USP28: variants seen among roughly 807,000 people sequenced by gnomAD.
The protein encoded by USP28 is ubiquitin carboxyl-terminal hydrolase 28.
Under a neutral mutation model 145.0 loss-of-function variants are expected in USP28, and 113 were observed. The ratio of observed to expected loss-of-function variants is 0.78; its 90% CI spans 0.67 to 0.91. USP28 has a LOEUF of 0.91. Among genes scored for constraint, USP28 ranks in the 40% least tolerant of loss-of-function variants. USP28 has a pLI of 0.00. For synonymous variants in USP28, 447 were observed against 450.9 expected (o/e 0.99, Z 0.11); for missense variants, 1,201 against 1,289.6 (o/e 0.93, Z 1.05).
chr11:113,859,095 C>A (rs1035616617), intron 1 of USP28, among the ~76,000 whole-genome samples: 1 of 151,970 alleles, frequency 6.6e-6, no homozygotes, highest in Admixed American at 6.6e-5. Flanking sequence ...ACCAGGCTGG[C>A]CTAACTGCTG....
At chr11:113,857,678 A>C (rs759605865) in intron 1 of USP28, among the ~76,000 whole-genome samples, 5 of 152,222 alleles carry the variant, frequency 3.3e-5, no homozygotes, top group African/African-American at 4.8e-5. Flanking sequence ...TCAGAATGCC[A>C]AATAAATGTG....
chr11:113,831,873 GC>G (rs1257327772), intron 8 of USP28, 46 bp downstream of exon 8: 1 of 1,558,114 alleles, frequency 6.4e-7, no homozygotes, highest in Non-Finnish European at 8.8e-7. Context: ...ATTCTCACTG[GC>G]CCACTGTGAG....
chr11:113,854,311 G>A (rs1946802092), exon 2 of USP28: 3 of 1,614,080 alleles, frequency 1.9e-6, no homozygotes, highest in Non-Finnish European at 1.7e-6. Context: ...ATTTCTCTCA[G>A]TTGATTTAAC....
At chr11:113,859,625 A>T (rs1947430225) in intron 1 of USP28, among the ~76,000 whole-genome samples, 1 of 151,770 alleles carries the variant, frequency 6.6e-6, no homozygotes, top group South Asian at 2.1e-4. Context: ...ATAAATATTA[A>T]TTTTACAGTA....
At chr11:113,859,499 T>A (rs1396703121) in intron 1 of USP28, 4 of 152,096 alleles carry the variant, frequency 2.6e-5, no homozygotes, top group Non-Finnish European at 5.9e-5. Context: ...AAATTTCACA[T>A]GCATTATTTA....
chr11:113,810,381 A>G (rs1344995326), intron 16 of USP28, among the ~76,000 whole-genome samples: 1 of 152,230 alleles, frequency 6.6e-6, no homozygotes, highest in Non-Finnish European at 1.5e-5. Flanking sequence ...AAACAAAAAA[A>G]GTCTATAGCA....
chr11:113,870,666 C>G (rs780556474), intron 1 of USP28, among the ~76,000 whole-genome samples: 1 of 152,248 alleles, frequency 6.6e-6, no homozygotes, highest in South Asian at 2.1e-4. Context: ...CTGGTCCACA[C>G]GGCCATCTCA....
chr11:113,855,159 A>C (rs1946912020), intron 1 of USP28, among the ~76,000 whole-genome samples: 1 of 152,240 alleles, frequency 6.6e-6, no homozygotes, highest in South Asian at 2.1e-4. Flanking sequence ...TAAATACATA[A>C]TTTCAAAGGG....
Position 113,835,742 on chromosome 11 carries a change from C to T in USP28, c.535-1407G>A, listed in dbSNP as rs191244045. On this transcript the variant is annotated intron_variant, in intron 5 of 24. Coordinates refer to ENST00000003302, the Ensembl canonical transcript of USP28. ...GCTTTACATTCTCAGCCATTTAACT[C>T]CACCTCTTCACCATCAGGAAAATCG... 3.5e-3 allele frequency among the ~76,000 whole-genome samples: 537 copies of T among 152,320 alleles called. 2 individuals are homozygous for T. The highest frequency in any genetic ancestry group is 0.013 in the African/African-American group (524 of 41,574).
At position 113,840,381 on chromosome 11, in the gene USP28, A is replaced by T. The variant is rs148909119; in HGVS notation, c.534+217T>A. Among the ~76,000 whole-genome samples the T allele has an allele frequency of 4.7e-3, 718 of 152,310 alleles. 10 individuals carry two copies. The highest frequency in any genetic ancestry group is 0.015 in the African/African-American group (632 of 41,568). On this transcript the variant is annotated intron_variant, in intron 5 of 24. Transcript: ENST00000003302. ...AGTATCCACTAAATGCTTATCCAAA[A>T]CACCTATTCAATATATTTACAACCA...
chr11:113,842,981 A>G (rs1167965641), intron 3 of USP28, among the ~76,000 whole-genome samples: 1 of 152,240 alleles, frequency 6.6e-6, no homozygotes, highest in Non-Finnish European at 1.5e-5. Flanking sequence ...CTTTAATCCC[A>G]GCACTTTGGG....
At chr11:113,805,868 G>A (rs1344938488) in intron 19 of USP28, among the ~76,000 whole-genome samples, 2 of 152,154 alleles carry the variant, frequency 1.3e-5, no homozygotes, top group African/African-American at 4.8e-5. Context: ...GAGAAGAGAA[G>A]TGAACAGCTT....
At chr11:113,834,271 A>G in exon 6 of USP28, 3 of 1,612,368 alleles carry the variant, frequency 1.9e-6, no homozygotes, top group Non-Finnish European at 2.5e-6. Context: ...ACAATTTTCA[A>G]GTACATTTTG....
rs557861475 is a variant in USP28 at position 113,821,189 on chromosome 11, C to G, written c.1283+2416G>C. 1.9e-4 allele frequency: 43 copies of G among 222,500 alleles called. No individual in the cohort carries two copies. The South Asian group carries it at 3.4e-3, about 18-fold the overall frequency. The allele number at this position is 222,500 out of a possible 1,614,324, so 13.8% of individuals were successfully genotyped here. A position where few individuals can be genotyped will look rare whatever the true frequency, so the allele number is the denominator to read the frequency against. On this transcript the variant is annotated intron_variant, in intron 12 of 24. Transcript: ENST00000003302. ...ATATGCCATGAGCAATCTTGAAGAGCATGGCATTCACCATGTGCTGCTTCT... is the reference window on the plus strand; with the variant it reads ...ATATGCCATGAGCAATCTTGAAGAGGATGGCATTCACCATGTGCTGCTTCT...
chr11:113,810,687 T>G (rs1000313414), intron 16 of USP28, among the ~76,000 whole-genome samples: 45 of 152,324 alleles, frequency 3.0e-4, no homozygotes, highest in Admixed American at 7.8e-4. Flanking sequence ...ACATGTTTGT[T>G]TTTTTTGAGA....
At chr11:113,802,894 CTATAATGCAGGCATACATG>C (rs1939293604) in intron 23 of USP28, among the ~76,000 whole-genome samples, 1 of 152,098 alleles carries the variant, frequency 6.6e-6, no homozygotes, top group Non-Finnish European at 1.5e-5. Context: ...GTGATAAAAT[CTATAATGCAGGCATACATG>C]AAGGGCACAC....
At chr11:113,854,183 T>C (rs538878865) in intron 2 of USP28, 75 bp downstream of exon 2, 1 of 1,352,578 alleles carries the variant, frequency 7.4e-7, no homozygotes, top group African/African-American at 1.5e-5. Flanking sequence ...GGAATAGAAA[T>C]AGCTTGAACT....
chr11:113,824,148 A>T (rs1368881690), intron 11 of USP28, among the ~76,000 whole-genome samples: 1 of 152,236 alleles, frequency 6.6e-6, no homozygotes, highest in South Asian at 2.1e-4. Flanking sequence ...TGTAAAGAAC[A>T]AATGAAAAAT....
Position 113,841,661 on chromosome 11 carries a change from A to T in USP28, c.374+2T>A, listed in dbSNP as rs866067435. The T allele has an allele frequency of 1.9e-6, 3 of 1,598,296 alleles. No homozygotes were observed. In the African/African-American group the frequency reaches 4.1e-5, roughly 22 times the overall value. On this transcript the variant is annotated splice_donor_variant, in intron 4 of 24. Coordinates refer to ENST00000003302, the Ensembl canonical transcript of USP28. LOFTEE classifies it high-confidence loss of function. Reference sequence around the variant, plus strand: ...GCAAGAATTATAAGTTAAATCAATAACCTGTTAAGATCTCTTCCATCAGCT... The same window carrying T: ...GCAAGAATTATAAGTTAAATCAATATCCTGTTAAGATCTCTTCCATCAGCT...
Sources: gnomAD v4.1 joint callset for allele counts (sites outside exome capture counted in the v4.1 genomes callset) on GRCh38, gnomAD v4.1.1 for gene constraint, MANE v1.5 for transcripts, NCBI Gene and HGNC (gene_info 2026-07-23, HGNC 2026-07-21) for gene names.